SLC5A3: variants seen among roughly 807,000 people sequenced by gnomAD.
The protein encoded by SLC5A3 is solute carrier family 5 member 3, also known as sodium/myo-inositol cotransporter.
A neutral mutation model predicts 43.2 loss-of-function variants in SLC5A3; 10 were observed. That is an observed-to-expected ratio of 0.23 (90% CI 0.14 to 0.39). SLC5A3 has a LOEUF of 0.39. Ranked by LOEUF, SLC5A3 falls within the 10% of genes least tolerant of loss-of-function variation. The probability of loss-of-function intolerance (pLI) is 1.00; values close to 1 mark genes in which losing one functional copy is unlikely to be tolerated. For synonymous variants in SLC5A3, 349 were observed against 322.0 expected, an observed-to-expected ratio of 1.08 and a Z score of -0.90; for missense variants, 608 against 893.4, an observed-to-expected ratio of 0.68 and a Z score of 4.07.
At position 34,083,235 on chromosome 21, in the gene SLC5A3, G is replaced by T. The variant is rs1174429844; in HGVS notation, c.-337+9490G>T. Among the ~76,000 whole-genome samples the T allele has an allele frequency of 5.3e-5, 8 of 152,214 alleles. No homozygotes were observed. In the East Asian group the frequency reaches 1.5e-3, roughly 29 times the overall value. On this transcript the variant is annotated intron_variant, in intron 1 of 1. Coordinates refer to ENST00000381151, the MANE Select transcript of SLC5A3 (RefSeq NM_006933.7). ...AATTCTCATTGTGGTGATCAGAAGT[G>T]CAGTGTTGTGGTTGCATTTCAGCTG...
At chr21:34,079,012 C>T (rs1277050610) in intron 1 of SLC5A3, among the ~76,000 whole-genome samples, 1 of 152,182 alleles carries the variant, frequency 6.6e-6, no homozygotes, top group Non-Finnish European at 1.5e-5. Flanking sequence ...ATCAATTTGT[C>T]TAAAGGAAGA....
At chr21:34,074,672 T>C (rs920264369) in intron 1 of SLC5A3, among the ~76,000 whole-genome samples, 15 of 152,312 alleles carry the variant, frequency 9.8e-5, no homozygotes, top group African/African-American at 2.6e-4. Flanking sequence ...TTTGGTGTTA[T>C]GTTTTTTTTT....
intron 1 of SLC5A3, among the ~76,000 whole-genome samples, chr21:34,076,496 T>C (rs1989335017): frequency 6.6e-6 from 1 of 152,202 alleles, no homozygotes; most frequent in African/African-American, 2.4e-5. Flanking sequence ...ATACTATGTT[T>C]TTCTCAGTTT....
At chr21:34,074,319 G>A (rs1989269233) in intron 1 of SLC5A3, among the ~76,000 whole-genome samples, 1 of 152,106 alleles carries the variant, frequency 6.6e-6, no homozygotes, top group Non-Finnish European at 1.5e-5. Flanking sequence ...TCTTGCAATC[G>A]CTCTCATGTT....
Position 34,100,160 on chromosome 21 carries a change from G to GGA in SLC5A3, c.*2806_*2807dup. On this transcript the variant is annotated 3_prime_UTR_variant, in exon 2 of 2. Coordinates refer to ENST00000381151, the MANE Select transcript of SLC5A3 (RefSeq NM_006933.7). ...ATAGCTAAAAGTCAAAATGAGGTGA[G>GGA]GACACTGGTCTTGGAAGGTAGAGAA... is the stretch of plus-strand genomic sequence containing the variant. 2 of 999,802 alleles carry GGA rather than the reference G, an allele frequency of 2.0e-6. No individual in the cohort carries two copies. Among genetic ancestry groups the GGA allele is most frequent in the Non-Finnish European group, 2.4e-6 (2 of 829,590 alleles). The allele number at this position is 999,802 out of a possible 1,614,324, so 61.9% of individuals were successfully genotyped here.
rs547879263 is a variant in SLC5A3, at chr21:34,101,434, C to T, written c.*4079C>T. 4.0e-6 allele frequency: 4 copies of T among 1,000,094 alleles called. No homozygotes were observed. Among genetic ancestry groups the T allele is most frequent in the Middle Eastern group, 5.2e-4 (1 of 1,916 alleles). The allele number at this position is 1,000,094 out of a possible 1,614,324, so 62.0% of individuals were successfully genotyped here. A position where few individuals can be genotyped will look rare whatever the true frequency, so the allele number is the denominator to read the frequency against. On this transcript the variant is annotated 3_prime_UTR_variant, in exon 2 of 2. Transcript: ENST00000381151. Reference sequence around the variant, plus strand: ...AGGCTTCAGTATTTGTAAGATTTTGCATTAGCCAGATGCTAGGTTGTTGAA... The same window carrying T: ...AGGCTTCAGTATTTGTAAGATTTTGTATTAGCCAGATGCTAGGTTGTTGAA...
intron 1 of SLC5A3, among the ~76,000 whole-genome samples, chr21:34,084,673 T>C (rs557187998): frequency 3.3e-5 from 5 of 152,334 alleles, no homozygotes; most frequent in East Asian, 3.9e-4. Context: ...AACTGAAGAA[T>C]TAAAACACAG....
chr21:34,077,515 C>T (rs1454904580), intron 1 of SLC5A3, among the ~76,000 whole-genome samples: 2 of 152,110 alleles, frequency 1.3e-5, no homozygotes, highest in African/African-American at 4.8e-5. Flanking sequence ...AGGTTAATGG[C>T]TTAATAACTA....
chr21:34,103,134 C>T lies in SLC5A3; in HGVS notation c.*5779C>T. The T allele has an allele frequency of 1.0e-6, 1 of 1,000,002 alleles. No individual in the cohort carries two copies. Among genetic ancestry groups the T allele is most frequent in the African/African-American group, 1.7e-5 (1 of 57,336 alleles). 61.9% of individuals were successfully genotyped at this position (1,000,002 alleles called of 1,614,324 possible). A position where few individuals can be genotyped will look rare whatever the true frequency, so the allele number is the denominator to read the frequency against. On this transcript the variant is annotated 3_prime_UTR_variant, in exon 2 of 2. Coordinates refer to ENST00000381151, the MANE Select transcript of SLC5A3 (RefSeq NM_006933.7). ...AGGCTTATTGCTATTGCAGAAATCC[C>T]AAACTGGCAAAGGCCAGTATATATG...
intron 1 of SLC5A3, among the ~76,000 whole-genome samples, chr21:34,081,843 CTTA>C (rs1177181635): frequency 6.6e-6 from 1 of 152,234 alleles, no homozygotes; most frequent in South Asian, 2.1e-4. Context: ...AAAGATAAAA[CTTA>C]TTATATCTAA....
rs773034645 is a variant in SLC5A3, at chr21:34,073,760, C to G, written c.-337+15C>G. On this transcript the variant is annotated intron_variant, in intron 1 of 1. Coordinates refer to ENST00000381151, the MANE Select transcript of SLC5A3 (RefSeq NM_006933.7). ...CCATGCAGCGGGTAAGTGACCTTCC[C>G]TCAGAGCCGGTCTTCCCGCGCGGGC... 2.7e-6 allele frequency: 4 copies of G among 1,502,978 alleles called. No individual in the cohort carries two copies. The East Asian group carries it at 1.1e-4, about 42-fold the overall frequency. The allele number at this position is 1,502,978 out of a possible 1,614,324, so 93.1% of individuals were successfully genotyped here. A position where few individuals can be genotyped will look rare whatever the true frequency, so the allele number is the denominator to read the frequency against.
In SLC5A3 at chr21:34,095,089, CTG is replaced by C; in HGVS notation, c.-106_-105del. 7.1e-7 allele frequency: 1 copy of C among 1,407,420 alleles called. No individual in the cohort carries two copies. The highest frequency in any genetic ancestry group is 9.6e-7 in the Non-Finnish European group (1 of 1,042,786). 87.2% of individuals were successfully genotyped at this position (1,407,420 alleles called of 1,614,324 possible). On this transcript the variant is annotated 5_prime_UTR_variant, in exon 2 of 2. Coordinates refer to ENST00000381151, the MANE Select transcript of SLC5A3 (RefSeq NM_006933.7). The stretch of plus-strand genomic sequence containing the variant: ...AAGACTTTGACCCTGCTGTGTTGCT[CTG>C]TGTAGTCCAGTTCACGTATGGTTTA...
chr21:34,099,812 C>A lies in SLC5A3; in HGVS notation c.*2457C>A. 3 of 670,688 alleles carry A rather than the reference C, an allele frequency of 4.5e-6. No homozygotes were observed. The highest frequency in any genetic ancestry group is 5.7e-6 in the Non-Finnish European group (3 of 529,990). The allele number at this position is 670,688 out of a possible 1,614,324, so 41.5% of individuals were successfully genotyped here. A position where few individuals can be genotyped will look rare whatever the true frequency, so the allele number is the denominator to read the frequency against. On this transcript the variant is annotated 3_prime_UTR_variant, in exon 2 of 2. Coordinates refer to ENST00000381151, the MANE Select transcript of SLC5A3 (RefSeq NM_006933.7). ...TATTCATTAGAATTGTTTATTCTTG[C>A]CAGTATAAACATCATTTTATTTAGA...
chr21:34,087,837 G>A (rs990519964), intron 1 of SLC5A3, among the ~76,000 whole-genome samples: 2 of 152,246 alleles, frequency 1.3e-5, no homozygotes, highest in African/African-American at 2.4e-5. Flanking sequence ...GAACTAAGGT[G>A]CTAGTAGTTG....
chr21:34,074,997 G>T (rs1478691615), intron 1 of SLC5A3, among the ~76,000 whole-genome samples: 4 of 152,222 alleles, frequency 2.6e-5, no homozygotes, highest in Non-Finnish European at 4.4e-5. Context: ...CATGGATTTG[G>T]AAGAAGTTAA....
rs1979240960 is a variant in SLC5A3 at position 34,101,613 on chromosome 21, C to G, written c.*4258C>G. 6.0e-6 allele frequency: 6 copies of G among 1,000,026 alleles called. No homozygotes were observed. In the South Asian group the frequency reaches 2.8e-4, roughly 47 times the overall value. 61.9% of individuals were successfully genotyped at this position (1,000,026 alleles called of 1,614,324 possible). ...TCAGTTCTACACCTAGTCTTTTCAG[C>G]ACTTAGCAAATTCAAATTTTGATTT... On this transcript the variant is annotated 3_prime_UTR_variant, in exon 2 of 2. Transcript: ENST00000381151.
Position 34,102,715 on chromosome 21 carries a change from CA to C in SLC5A3, c.*5364del. Reference sequence around the variant, plus strand: ...CAGCTGAAGAGCGAGCAAATCAAGACAAAACACAGTGGTCTCAGATTTTTCG... The same window carrying C: ...CAGCTGAAGAGCGAGCAAATCAAGACAAACACAGTGGTCTCAGATTTTTCG... On this transcript the variant is annotated 3_prime_UTR_variant, in exon 2 of 2. Coordinates refer to ENST00000381151, the MANE Select transcript of SLC5A3 (RefSeq NM_006933.7). 1 of 1,000,118 alleles carries C rather than the reference CA, an allele frequency of 1.0e-6. No homozygotes were observed. The highest frequency in any genetic ancestry group is 1.2e-6 in the Non-Finnish European group (1 of 829,876). The allele number at this position is 1,000,118 out of a possible 1,614,324, so 62.0% of individuals were successfully genotyped here. A position where few individuals can be genotyped will look rare whatever the true frequency, so the allele number is the denominator to read the frequency against.
chr21:34,099,190 G>A lies in SLC5A3; in HGVS notation c.*1835G>A. 1 of 999,826 alleles carries A rather than the reference G, an allele frequency of 1.0e-6. No individual in the cohort carries two copies. Among genetic ancestry groups the A allele is most frequent in the Non-Finnish European group, 1.2e-6 (1 of 829,794 alleles). 61.9% of individuals were successfully genotyped at this position (999,826 alleles called of 1,614,324 possible). A position where few individuals can be genotyped will look rare whatever the true frequency, so the allele number is the denominator to read the frequency against. ...TCTGAAGAGCTTAGAGTGCCTTGTA[G>A]AATTTTTTTCTCAATTTTATTCTTG... On this transcript the variant is annotated 3_prime_UTR_variant, in exon 2 of 2. Coordinates refer to ENST00000381151, the MANE Select transcript of SLC5A3 (RefSeq NM_006933.7).
At position 34,099,016 on chromosome 21, in the gene SLC5A3, A is replaced by G. The variant is rs1026154365; in HGVS notation, c.*1661A>G. The stretch of plus-strand genomic sequence containing the variant: ...AGTCTTTTTAATTTTTTTGTAGTCT[A>G]TAAACTAGTTTCATTATGATGGACT... On this transcript the variant is annotated 3_prime_UTR_variant, in exon 2 of 2. Coordinates refer to ENST00000381151, the MANE Select transcript of SLC5A3 (RefSeq NM_006933.7). 1.8e-5 allele frequency: 18 copies of G among 990,756 alleles called. No homozygotes were observed. The highest frequency in any genetic ancestry group is 9.5e-5 in the South Asian group (2 of 21,138). 61.4% of individuals were successfully genotyped at this position (990,756 alleles called of 1,614,324 possible).
Sources: allele counts gnomAD v4.1 joint callset (sites outside exome capture counted in the v4.1 genomes callset), GRCh38; gene constraint gnomAD v4.1.1; transcripts MANE v1.5; gene names NCBI Gene and HGNC (gene_info 2026-07-23, HGNC 2026-07-21).